Variants in C1R observed in about 807,000 individuals in gnomAD.
C1R encodes complement C1r.
A neutral mutation model predicts 27.6 loss-of-function variants in C1R; 15 were observed. The ratio of observed to expected loss-of-function variants is 0.54; its 90% CI spans 0.36 to 0.84. C1R has a LOEUF of 0.84. C1R is among the 40% of genes least tolerant of loss of function. The pLI, the probability that C1R is intolerant of heterozygous loss-of-function variation, is 0.01. For synonymous variants in C1R, 253 were observed against 228.8 expected, an observed-to-expected ratio of 1.11 and a Z score of -0.95; for missense variants, 544 against 577.9, an observed-to-expected ratio of 0.94 and a Z score of 0.60.
At position 7,091,198 on chromosome 12, in the gene C1R, T is replaced by G; in HGVS notation, c.231+254A>C. The G allele has an allele frequency of 2.0e-6, 1 of 489,162 alleles. No homozygotes were observed. Among genetic ancestry groups the G allele is most frequent in the Non-Finnish European group, 3.6e-6 (1 of 278,498 alleles). The allele number at this position is 489,162 out of a possible 1,614,324, so 30.3% of individuals were successfully genotyped here. A position where few individuals can be genotyped will look rare whatever the true frequency, so the allele number is the denominator to read the frequency against. ...AGCTAGACAGCAGATGGGGAAGGTT[T>G]TCCTGACTCAGTGGATGTTGAATTT... is the stretch of plus-strand genomic sequence containing the variant. On this transcript the variant is annotated intron_variant, in intron 2 of 10. Coordinates refer to ENST00000647956, the MANE Select transcript of C1R (RefSeq NM_001733.7). The surrounding 1 kb of genome is among the most constrained non-coding windows in gnomAD (Gnocchi z 5.1).
rs1173378788 is a variant in C1R at position 7,080,357 on chromosome 12, G to T, written c.*175C>A. 23 of 1,343,144 alleles carry T rather than the reference G, an allele frequency of 1.7e-5. No individual in the cohort carries two copies. The highest frequency in any genetic ancestry group is 2.7e-4 in the Middle Eastern group (1 of 3,760). The allele number at this position is 1,343,144 out of a possible 1,614,324, so 83.2% of individuals were successfully genotyped here. ...TCAGAAGAAAGAAAGGGGCCCTTTG[G>T]GTTGTTTCAGGTAAAGTACATCAAT... On this transcript the variant is annotated 3_prime_UTR_variant, in exon 11 of 11. Coordinates refer to ENST00000647956, the MANE Select transcript of C1R (RefSeq NM_001733.7). The surrounding 1 kb of genome is among the most constrained non-coding windows in gnomAD (Gnocchi z 4.9).
chr12:7,091,926 C>A lies in C1R; in HGVS notation c.3-246G>T. On this transcript the variant is annotated intron_variant, in intron 1 of 10. Coordinates refer to ENST00000647956, the MANE Select transcript of C1R (RefSeq NM_001733.7). The surrounding 1 kb of genome is among the most constrained non-coding windows in gnomAD (Gnocchi z 5.1). The stretch of plus-strand genomic sequence containing the variant: ...AGGCCACCACACTCCCCTCACACTC[C>A]CTTTCCAGCCTCCTCCCCTGCCCGG... 1 of 662,040 alleles carries A rather than the reference C, an allele frequency of 1.5e-6. No homozygotes were observed. 41.0% of individuals were successfully genotyped at this position (662,040 alleles called of 1,614,324 possible).
intron 2 of C1R, 22 bp from the exon 3 acceptor site, chr12:7,090,270 G>A (rs1938244286): frequency 1.4e-6 from 1 of 717,312 alleles, no homozygotes; most frequent in East Asian, 2.7e-5. Flanking sequence ...AGGACAGGGG[G>A]TAGGAAGAAG....
In C1R at chr12:7,080,742, G is replaced by A. The variant is rs1938041360; in HGVS notation, c.1908C>T (p.Asn636=). 1.2e-6 allele frequency: 2 copies of A among 1,613,992 alleles called. No homozygotes were observed. Among genetic ancestry groups the A allele is most frequent in the South Asian group, 2.2e-5 (2 of 91,082 alleles). Residue 636 remains asparagine, a synonymous_variant, in exon 11 of 11, where the codon AAC becomes AAT. Transcript: ENST00000647956. The surrounding 1 kb of genome is among the most constrained non-coding windows in gnomAD (Gnocchi z 4.9). ...GAGATGGGTGTCCAGCACAGAACAT[G>A]TTTTGAGAGAACACATCCATCCTAT... The part of the protein sequence containing the change: ...GKNRMDVFSQ[N]MFCAGHPSLK...
In C1R at chr12:7,089,427, G is replaced by C; in HGVS notation, c.634C>G (p.Arg212Gly). 1.3e-6 allele frequency: 1 copy of C among 779,882 alleles called. No homozygotes were observed. Among genetic ancestry groups the C allele is most frequent in the Non-Finnish European group, 2.4e-6 (1 of 417,424 alleles). 48.3% of individuals were successfully genotyped at this position (779,882 alleles called of 1,614,324 possible). The change falls in exon 5 of 11, where the codon CGG becomes GGG. Residue 212 changes from arginine to glycine, a missense_variant. Transcript: ENST00000647956. The stretch of plus-strand genomic sequence containing the variant: ...CAGCGCAGGTCAGGGGGGTAGGACC[G>C]AGGGTACTCCAGGCTGGAGATGTAG... ...SGYISSLEYP[R>G]SYPPDLRCNY...
Position 7,086,442 on chromosome 12 carries a change from G to A in C1R, c.1054C>T (p.His352Tyr). 1 of 398,724 alleles carries A rather than the reference G, an allele frequency of 2.5e-6. No homozygotes were observed. Among genetic ancestry groups the A allele is most frequent in the Non-Finnish European group, 4.4e-6 (1 of 226,126 alleles). 24.7% of individuals were successfully genotyped at this position (398,724 alleles called of 1,614,324 possible). The change falls in exon 8 of 11, where the codon CAT becomes TAT. Residue 352 changes from histidine to tyrosine, a missense_variant. By Grantham distance (83) the His-to-Tyr change is moderately conservative (BLOSUM62 2). Around this residue, in one of 2 missense-constraint regions of C1R, gnomAD observed 291 missense variants for 209.0 expected, o/e 1.39. Transcript: ENST00000647956. ...TCCTGGCAGACAGCTGTGAAGGAAT[G>A]CAGCACCTGGTTCCCCTGTTGAGCA... ...YQLIEGNQVL[H>Y]SFTAVCQDDG...
rs892458663 is a variant in C1R at position 7,091,188 on chromosome 12, G to C, written c.231+264C>G. The stretch of plus-strand genomic sequence containing the variant: ...AAAGACTCTCAGCTAGACAGCAGAT[G>C]GGGAAGGTTTTCCTGACTCAGTGGA... On this transcript the variant is annotated intron_variant, in intron 2 of 10. Coordinates refer to ENST00000647956, the MANE Select transcript of C1R (RefSeq NM_001733.7). This position sits in a 1 kb window ranked among gnomAD's most constrained non-coding sequence, Gnocchi z 5.1. 6.4e-6 allele frequency: 3 copies of C among 471,494 alleles called. No homozygotes were observed. The South Asian group carries it at 8.1e-5, about 13-fold the overall frequency. 29.2% of individuals were successfully genotyped at this position (471,494 alleles called of 1,614,324 possible).
rs1351453381 is a variant in C1R, at chr12:7,091,530, G to A, written c.153C>T (p.Pro51=). 4 of 778,834 alleles carry A rather than the reference G, an allele frequency of 5.1e-6. No homozygotes were observed. The highest frequency in any genetic ancestry group is 7.2e-6 in the Non-Finnish European group (3 of 417,160). 48.2% of individuals were successfully genotyped at this position (778,834 alleles called of 1,614,324 possible). ...NFETTTVITV[P]TGYRVKLVFQ... The stretch of plus-strand genomic sequence containing the variant: ...AGACGAGCTTCACCCTGTATCCCGT[G>A]GGGACTGTGATCACAGTGGTTGTTT... Residue 51 remains proline, a synonymous_variant, in exon 2 of 11, where the codon CCC becomes CCT. Coordinates refer to ENST00000647956, the MANE Select transcript of C1R (RefSeq NM_001733.7). The surrounding 1 kb of genome is among the most constrained non-coding windows in gnomAD (Gnocchi z 5.1).
At position 7,085,977 on chromosome 12, in the gene C1R, T is replaced by C; in HGVS notation, c.1157A>G (p.Asp386Gly). 2.5e-6 allele frequency: 1 copy of C among 398,610 alleles called. No homozygotes were observed. The highest frequency in any genetic ancestry group is 4.4e-6 in the Non-Finnish European group (1 of 226,080). 24.7% of individuals were successfully genotyped at this position (398,610 alleles called of 1,614,324 possible). ...CGQPRNLPNG[D>G]FRYTTTMGVN... Reference sequence around the variant, plus strand: ...TCCCATTGTGGTGGTGTAACGGAAGTCACCATTAGGCAGGTTTCGGGGCTG... The same window carrying C: ...TCCCATTGTGGTGGTGTAACGGAAGCCACCATTAGGCAGGTTTCGGGGCTG... Residue 386 changes from aspartate to glycine, a missense_variant, in exon 9 of 11, where the codon GAC (aspartate) becomes GGC (glycine). Physicochemically the swap from Asp to Gly is moderately conservative, Grantham distance 94. Transcript: ENST00000647956.
intron 9 of C1R, among the ~76,000 whole-genome samples, chr12:7,083,311 A>G (rs1413619276): frequency 3.2e-5 from 1 of 31,122 alleles, no homozygotes; most frequent in Non-Finnish European, 7.0e-5. Flanking sequence ...TGGTGTTGGT[A>G]ATGGTGATGG....
At position 7,088,992 on chromosome 12, in the gene C1R, A is replaced by AG. The variant is rs1216055093; in HGVS notation, c.769-7dup. On this transcript the variant is annotated splice_polypyrimidine_tract_variant and splice_region_variant and intron_variant, in intron 5 of 10. Coordinates refer to ENST00000647956, the MANE Select transcript of C1R (RefSeq NM_001733.7). ...TTCTTCCCGTTGGCATAGATCTAGTAGGGGAGGAGGGTTTTTTTTTTTCAG... is the reference window on the plus strand; with the variant it reads ...TTCTTCCCGTTGGCATAGATCTAGTAGGGGGAGGAGGGTTTTTTTTTTTCAG... The AG allele has an allele frequency of 1.1e-5, 8 of 707,232 alleles. No individual in the cohort carries two copies. Among genetic ancestry groups the AG allele is most frequent in the Non-Finnish European group, 2.1e-5 (8 of 388,234 alleles). 43.8% of individuals were successfully genotyped at this position (707,232 alleles called of 1,614,324 possible). A position where few individuals can be genotyped will look rare whatever the true frequency, so the allele number is the denominator to read the frequency against.
chr12:7,080,721 T>C lies in C1R; in HGVS notation c.1929A>G (p.Pro643=). 6.2e-7 allele frequency: 1 copy of C among 1,613,962 alleles called. No homozygotes were observed. The highest frequency in any genetic ancestry group is 2.2e-5 in the East Asian group (1 of 44,880). The change falls in exon 11 of 11, where the codon CCA becomes CCG. Residue 643 remains proline, a synonymous_variant. Transcript: ENST00000647956. The surrounding 1 kb of genome is among the most constrained non-coding windows in gnomAD (Gnocchi z 4.9). ...FSQNMFCAGH[P]SLKQDACQGD... is the part of the protein sequence containing the mutation. ...CCTGGCAGGCGTCCTGCTTTAGAGA[T>C]GGGTGTCCAGCACAGAACATGTTTT... is the stretch of plus-strand genomic sequence containing the variant.
rs1591590433 is a variant in C1R, at chr12:7,089,068, T to G, written c.769-82A>C. 9.5e-6 allele frequency: 6 copies of G among 630,534 alleles called. No individual in the cohort carries two copies. The South Asian group carries it at 1.1e-4, about 12-fold the overall frequency. The allele number at this position is 630,534 out of a possible 1,614,324, so 39.1% of individuals were successfully genotyped here. A position where few individuals can be genotyped will look rare whatever the true frequency, so the allele number is the denominator to read the frequency against. Reference sequence around the variant, plus strand: ...CTGGGTAGTAGCCTGGTGGCCAGGGTGGTGGTGGTGGTGATGAAATCCTGC... The same window carrying G: ...CTGGGTAGTAGCCTGGTGGCCAGGGGGGTGGTGGTGGTGATGAAATCCTGC... On this transcript the variant is annotated intron_variant, in intron 5 of 10. Transcript: ENST00000647956.
At chr12:7,089,818 G>C in intron 3 of C1R, 85 bp from the exon 4 acceptor site, 1 of 732,430 alleles carries the variant, frequency 1.4e-6, no homozygotes, top group African/African-American at 1.7e-5. Flanking sequence ...ACTCACCAGA[G>C]ACCTAAAGAC....
At chr12:7,083,539 C>A (rs1180542082) in intron 9 of C1R, among the ~76,000 whole-genome samples, 16 of 106,160 alleles carry the variant, frequency 1.5e-4, no homozygotes, top group South Asian at 6.3e-4. Context: ...TGGTGGTGAT[C>A]ATGGTAGTGG....
At chr12:7,082,808 A>T (rs1022925859) in intron 9 of C1R, among the ~76,000 whole-genome samples, 1 of 152,180 alleles carries the variant, frequency 6.6e-6, no homozygotes, top group Admixed American at 6.5e-5. Flanking sequence ...GTTGCTAAGC[A>T]CTTTATCTGC....
At chr12:7,090,915 G>T (rs1422556548) in intron 2 of C1R, among the ~76,000 whole-genome samples, 1 of 152,216 alleles carries the variant, frequency 6.6e-6, no homozygotes, top group Non-Finnish European at 1.5e-5. Flanking sequence ...AATGGTAGTT[G>T]TTGGACCTTC....
chr12:7,092,163 A>G (rs1183205028), intron 1 of C1R: 2 of 623,668 alleles, frequency 3.2e-6, no homozygotes, highest in Non-Finnish European at 5.9e-6. Flanking sequence ...CCAAGAGCCC[A>G]GAGGGAAGAA....
chr12:7,091,319 G>A lies in C1R; in HGVS notation c.231+133C>T, dbSNP rs1035986490. The A allele has an allele frequency of 1.7e-5, 11 of 650,406 alleles. No homozygotes were observed. The highest frequency in any genetic ancestry group is 7.0e-5 in the South Asian group (4 of 57,032). 40.3% of individuals were successfully genotyped at this position (650,406 alleles called of 1,614,324 possible). A position where few individuals can be genotyped will look rare whatever the true frequency, so the allele number is the denominator to read the frequency against. ...GTGAGCGCCCATCCAGGGCATCCCC[G>A]GGCTCTCAGAGAGGCCGTTGGCCAT... On this transcript the variant is annotated intron_variant, in intron 2 of 10. Transcript: ENST00000647956. The surrounding 1 kb of genome is among the most constrained non-coding windows in gnomAD (Gnocchi z 5.1).
Sources: gnomAD v4.1 joint callset for allele counts (sites outside exome capture counted in the v4.1 genomes callset) on GRCh38, gnomAD v4.1.1 for gene constraint, gnomAD v4.1.1 regional missense constraint, Gnocchi (gnomAD v3.1) non-coding constraint, MANE v1.5 for transcripts, NCBI Gene and HGNC (gene_info 2026-07-23, HGNC 2026-07-21) for gene names.